EIF4G3: variants seen among roughly 807,000 people sequenced by gnomAD.
The protein encoded by EIF4G3 is eIF-4-gamma 3.
EIF4G3 carries 34 observed loss-of-function variants against 186.4 expected under a neutral mutation model. That is an observed-to-expected ratio of 0.18 (90% CI 0.14 to 0.24). The LOEUF is 0.24. Among genes scored for constraint, EIF4G3 ranks in the 10% least tolerant of loss-of-function variants. EIF4G3 has a pLI of 1.00. For missense variants in EIF4G3, 1,536 were observed against 1,948.5 expected (o/e 0.79, Z 3.99); for synonymous variants, 673 against 679.5 (o/e 0.99, Z 0.15).
At chr1:20,856,991 T>A (rs2075102178) in intron 25 of EIF4G3, among the ~76,000 whole-genome samples, 1 of 151,152 alleles carries the variant, frequency 6.6e-6, no homozygotes, top group Non-Finnish European at 1.5e-5. Flanking sequence ...TGAAACCCCG[T>A]CTCTACTAAA....
intron 34 of EIF4G3, among the ~76,000 whole-genome samples, chr1:20,815,624 G>C (rs1466630722): frequency 6.6e-6 from 1 of 150,836 alleles, no homozygotes; most frequent in East Asian, 2.0e-4. Context: ...TCTCCGCCCG[G>C]CAGCCACCCC....
intron 2 of EIF4G3, chr1:21,162,121 A>AGCG (rs1293116238): frequency 1.3e-5 from 2 of 156,602 alleles, no homozygotes; most frequent in Admixed American, 6.3e-5. Context: ...ATCAACGTGA[A>AGCG]GCTGCCCGTT....
intron 10 of EIF4G3, among the ~76,000 whole-genome samples, chr1:20,974,455 G>A (rs910904826): frequency 5.3e-5 from 8 of 152,162 alleles, no homozygotes; most frequent in African/African-American, 1.7e-4. Context: ...TGGTGCTGAA[G>A]AGGTCAAATA....
At chr1:20,881,656 A>T (rs2082357955) in intron 19 of EIF4G3, among the ~76,000 whole-genome samples, 1 of 151,892 alleles carries the variant, frequency 6.6e-6, no homozygotes, top group African/African-American at 2.4e-5. Flanking sequence ...GCACGGTGGC[A>T]CGCACCTGTA....
At chr1:20,861,202 A>T (rs537370324) in intron 23 of EIF4G3, among the ~76,000 whole-genome samples, 1 of 152,328 alleles carries the variant, frequency 6.6e-6, no homozygotes, top group African/African-American at 2.4e-5. Context: ...CATCAATGCT[A>T]TCTGGCCTGG....
chr1:21,166,751 T>A (rs2097861997), intron 2 of EIF4G3, among the ~76,000 whole-genome samples: 1 of 151,820 alleles, frequency 6.6e-6, no homozygotes, highest in African/African-American at 2.4e-5. Flanking sequence ...ATAAATAAAA[T>A]AAATAAATGA....
chr1:20,882,308 T>G (rs1219112643), intron 19 of EIF4G3, among the ~76,000 whole-genome samples: 1 of 151,732 alleles, frequency 6.6e-6, no homozygotes, highest in Non-Finnish European at 1.5e-5. Flanking sequence ...GCCAGGAGTT[T>G]GGGCAACACT....
rs1558059402 is a variant in EIF4G3, at chr1:20,882,211, AC to A, written c.2425-2692del. On this transcript the variant is annotated intron_variant, in intron 19 of 36. Coordinates refer to ENST00000602326, the MANE Select transcript of EIF4G3 (RefSeq NM_001391906.1). ...CACACACACACACACACACACACAC[AC>A]ACAAAATCATTTATTGGATAAGCTA... Among the ~76,000 whole-genome samples, 54 of 58,756 alleles carry A rather than the reference AC, an allele frequency of 9.2e-4. 1 individual carries two copies. Among genetic ancestry groups the A allele is most frequent in the Admixed American group, 1.4e-3 (6 of 4,252 alleles). The allele number at this position is 58,756 out of a possible 152,430, so 38.5% of individuals were successfully genotyped here.
At chr1:20,959,642 TCAAA>T (rs751790017) in intron 12 of EIF4G3, among the ~76,000 whole-genome samples, 4 of 142,586 alleles carry the variant, frequency 2.8e-5, no homozygotes, top group African/African-American at 7.8e-5. Context: ...TACAAGGAAC[TCAAA>T]CAAATCAGCA....
intron 14 of EIF4G3, among the ~76,000 whole-genome samples, chr1:20,922,133 G>A (rs924626081): frequency 6.6e-6 from 1 of 152,080 alleles, no homozygotes; most frequent in Non-Finnish European, 1.5e-5. Context: ...TTTCCATATC[G>A]AACATAACTT....
intron 17 of EIF4G3, 119 bp downstream of exon 17, chr1:20,895,249 A>C: frequency 8.5e-7 from 1 of 1,171,766 alleles, no homozygotes; most frequent in East Asian, 2.4e-5. Flanking sequence ...AACATTAGAT[A>C]TTTTTACATC....
chr1:20,829,424 A>G (rs2064516062), intron 30 of EIF4G3, 152 bp from the exon 31 acceptor site: 1 of 844,288 alleles, frequency 1.2e-6, no homozygotes, highest in Non-Finnish European at 1.8e-6. Flanking sequence ...ATACATTACC[A>G]TTCTCAAAGA....
chr1:21,174,951 G>C (rs1005167572), intron 2 of EIF4G3, among the ~76,000 whole-genome samples: 4 of 152,170 alleles, frequency 2.6e-5, no homozygotes, highest in African/African-American at 9.7e-5. Context: ...CTCTAGAAGG[G>C]AGATTGCTTT....
intron 15 of EIF4G3, among the ~76,000 whole-genome samples, chr1:20,903,756 AG>A (rs2154557092): frequency 6.6e-6 from 1 of 152,364 alleles, no homozygotes; most frequent in South Asian, 2.1e-4. Context: ...AGATACCCAA[AG>A]AAGGTAAGAA....
intron 13 of EIF4G3, among the ~76,000 whole-genome samples, chr1:20,948,986 AAAAAAG>A (rs1217673875): frequency 6.6e-6 from 1 of 151,602 alleles, no homozygotes; most frequent in African/African-American, 2.4e-5. Context: ...AAAAAAAAAA[AAAAAAG>A]AATAATTTTT....
chr1:20,927,064 G>C (rs1455551995), intron 14 of EIF4G3, among the ~76,000 whole-genome samples: 2 of 106,132 alleles, frequency 1.9e-5, no homozygotes, highest in Non-Finnish European at 3.9e-5. Context: ...TTTTTTTTTT[G>C]AGGTGGAGTC....
chr1:20,913,640 A>G (rs2154558593), intron 14 of EIF4G3, among the ~76,000 whole-genome samples: 1 of 152,244 alleles, frequency 6.6e-6, no homozygotes, highest in East Asian at 1.9e-4. Flanking sequence ...TTTTATTTAT[A>G]TCCTCAATAA....
chr1:21,145,694 A>G (rs184135193), intron 2 of EIF4G3, among the ~76,000 whole-genome samples: 1 of 152,338 alleles, frequency 6.6e-6, no homozygotes, highest in Non-Finnish European at 1.5e-5. Flanking sequence ...CCATTCAGTT[A>G]TCTAGTAGTC....
intron 20 of EIF4G3, among the ~76,000 whole-genome samples, chr1:20,870,928 G>A (rs2079017083): frequency 6.6e-6 from 1 of 152,114 alleles, no homozygotes; most frequent in Non-Finnish European, 1.5e-5. Flanking sequence ...AGTAGAGCTT[G>A]GTGGACACAG....
Sources: gnomAD v4.1 joint callset for allele counts (sites outside exome capture counted in the v4.1 genomes callset) on GRCh38, gnomAD v4.1.1 for gene constraint, MANE v1.5 for transcripts, NCBI Gene and HGNC (gene_info 2026-07-23, HGNC 2026-07-21) for gene names.